Variants in EPG5 observed in about 807,000 individuals in gnomAD.
EPG5 encodes ectopic P granules protein 5 homolog.
In EPG5, 159 loss-of-function variants were observed where a neutral mutation model predicts 302.7. The observed-to-expected ratio is 0.53, with a 90% CI of 0.46 to 0.60. EPG5 has a LOEUF of 0.60. EPG5 is among the 20% of genes least tolerant of loss of function. The probability of loss-of-function intolerance (pLI) is 0.00; values close to 1 mark genes in which losing one functional copy is unlikely to be tolerated. For missense variants in EPG5, 2,896 were observed against 3,092.4 expected (o/e 0.94, Z 1.51); for synonymous variants, 1,158 against 1,136.8 (o/e 1.02, Z -0.37).
At chr18:45,838,851 C>G in the EPG5 span, 1 of 1,574,738 alleles carries the variant, frequency 6.4e-7, no homozygotes, top group South Asian at 1.1e-5. Context: ...GCTTGGCAGC[C>G]GTGCGGAGCC....
chr18:45,874,261 C>A (rs1320949876), intron 35 of EPG5, among the ~76,000 whole-genome samples: 1 of 151,830 alleles, frequency 6.6e-6, no homozygotes, highest in Non-Finnish European at 1.5e-5. Context: ...TGTGTGGGGG[C>A]AGAAGGTATA....
chr18:45,860,402 G>T, intron 39 of EPG5, 56 bp from the exon 40 acceptor site: 1 of 1,607,688 alleles, frequency 6.2e-7, no homozygotes. Flanking sequence ...CTATCCATGT[G>T]ATCAGGAGAA....
chr18:45,896,362 C>T (rs1324821302), intron 27 of EPG5, among the ~76,000 whole-genome samples: 1 of 152,172 alleles, frequency 6.6e-6, no homozygotes, highest in Non-Finnish European at 1.5e-5. Context: ...ACTAAGCAAA[C>T]GAGTGAGGCC....
intron 26 of EPG5, 117 bp from the exon 27 acceptor site, chr18:45,899,683 T>A: frequency 9.6e-7 from 1 of 1,044,514 alleles, no homozygotes; most frequent in Non-Finnish European, 1.4e-6. Context: ...ACATAAACCA[T>A]AGTAACAGAG....
intron 23 of EPG5, 32 bp from the exon 24 acceptor site, chr18:45,908,113 T>C: frequency 2.7e-6 from 4 of 1,457,962 alleles, no homozygotes; most frequent in Non-Finnish European, 3.7e-6. Context: ...ATACGAAACA[T>C]AAAAAGATGA....
At chr18:45,837,350 G>C in the EPG5 span, among the ~76,000 whole-genome samples, 4 of 152,236 alleles carry the variant, frequency 2.6e-5, no homozygotes, top group African/African-American at 9.6e-5. Flanking sequence ...AAGTCACAAG[G>C]TGGGGTTCCG....
intron 26 of EPG5, among the ~76,000 whole-genome samples, chr18:45,899,930 G>A (rs988196192): frequency 6.6e-6 from 1 of 152,148 alleles, no homozygotes; most frequent in African/African-American, 2.4e-5. Context: ...GACTTCTTAG[G>A]TATTAGCAAC....
chr18:45,949,555 G>T lies in EPG5; in HGVS notation c.1426C>A (p.His476Asn), dbSNP rs576926580. 6.2e-7 allele frequency: 1 copy of T among 1,613,132 alleles called. No individual in the cohort carries two copies. The highest frequency in any genetic ancestry group is 1.3e-5 in the African/African-American group (1 of 74,968). The stretch of plus-strand genomic sequence containing the variant: ...AGAATATGGTTTAGAAGGAAGAGGT[G>T]ATCTCCAGGACAGCCAACTCTTTGT... ...VLQRVGCPGD[H>N]LFLLNHILRC... The change falls in exon 5 of 44, where the codon CAC (histidine) becomes AAC (asparagine). Residue 476 changes from histidine (H) to asparagine (N), a missense_variant. By Grantham distance (68) the His-to-Asn change is moderately conservative. This residue lies in a region of EPG5 where 1,390 missense variants were observed against 1,430.0 expected (regional missense o/e 0.97). Coordinates refer to ENST00000282041, the MANE Select transcript of EPG5 (RefSeq NM_020964.3).
intron 21 of EPG5, 57 bp downstream of exon 21, chr18:45,913,649 T>A (rs754032883): frequency 2.6e-5 from 41 of 1,597,618 alleles, no homozygotes; most frequent in Non-Finnish European, 3.4e-5. Context: ...GGTGAATCCA[T>A]CAGCATCAAA....
rs753674794 is a variant in EPG5, at chr18:45,858,113, C to A, written c.7227-45G>T. 5 of 1,470,662 alleles carry A rather than the reference C, an allele frequency of 3.4e-6. No individual in the cohort carries two copies. In the East Asian group the frequency reaches 9.2e-5, roughly 27 times the overall value. The allele number at this position is 1,470,662 out of a possible 1,614,324, so 91.1% of individuals were successfully genotyped here. A position where few individuals can be genotyped will look rare whatever the true frequency, so the allele number is the denominator to read the frequency against. ...AAAATAAAATTAGAAGTAAATTTTT[C>A]CCACTCCCATTTAACTGCAAGTCCA... On this transcript the variant is annotated intron_variant, in intron 41 of 43. Coordinates refer to ENST00000282041, the MANE Select transcript of EPG5 (RefSeq NM_020964.3).
At chr18:45,863,456 T>C (rs1195307829) in intron 39 of EPG5, among the ~76,000 whole-genome samples, 1 of 152,260 alleles carries the variant, frequency 6.6e-6, no homozygotes, top group African/African-American at 2.4e-5. Flanking sequence ...TTCTTAAAAT[T>C]GTTAATATTC....
chr18:45,825,914 G>T, the EPG5 span: 6 of 1,038,554 alleles, frequency 5.8e-6, no homozygotes, highest in South Asian at 7.2e-5. Context: ...GAAGAGCTGC[G>T]CTTGGGGCCT....
At chr18:45,910,187 C>T (rs751924869) in intron 23 of EPG5, among the ~76,000 whole-genome samples, 4 of 152,062 alleles carry the variant, frequency 2.6e-5, no homozygotes, top group Non-Finnish European at 5.9e-5. Flanking sequence ...TAGGGTCTCA[C>T]TATGTTGCCC....
chr18:45,882,452 A>T lies in EPG5; in HGVS notation c.5340T>A (p.Pro1780=). 6.2e-7 allele frequency: 1 copy of T among 1,614,190 alleles called. No individual in the cohort carries two copies. Among genetic ancestry groups the T allele is most frequent in the East Asian group, 2.2e-5 (1 of 44,880 alleles). Residue 1780 remains proline, a synonymous_variant, in exon 31 of 44, where the codon CCT becomes CCA. Coordinates refer to ENST00000282041, the MANE Select transcript of EPG5 (RefSeq NM_020964.3). ...DLKQWLSATK[P]PLSDRTRLLE... ...GAAGCCTGGTACGATCAGACAGAGG[A>T]GGTTTAGTGGCGCTTAACCATTGTT...
At chr18:45,880,915 T>C (rs1342195367) in intron 31 of EPG5, among the ~76,000 whole-genome samples, 1 of 152,160 alleles carries the variant, frequency 6.6e-6, no homozygotes, top group African/African-American at 2.4e-5. Context: ...CTGGGGACAG[T>C]GCCAGTCTGT....
intron 29 of EPG5, among the ~76,000 whole-genome samples, chr18:45,886,712 G>A (rs1323267328): frequency 1.3e-5 from 2 of 152,084 alleles, no homozygotes; most frequent in Non-Finnish European, 2.9e-5. Flanking sequence ...AGGCTGGAGT[G>A]CAATAGCATG....
At chr18:45,861,928 T>A (rs2048644690) in intron 39 of EPG5, among the ~76,000 whole-genome samples, 1 of 152,206 alleles carries the variant, frequency 6.6e-6, no homozygotes, top group Admixed American at 6.5e-5. Context: ...CCTATATGTA[T>A]CCTATTTGTC....
At chr18:45,911,280 C>A (rs1363720786) in intron 22 of EPG5, among the ~76,000 whole-genome samples, 1 of 149,000 alleles carries the variant, frequency 6.7e-6, no homozygotes, top group African/African-American at 2.5e-5. Flanking sequence ...TGCGCCACTG[C>A]GCTGGGTTGT....
intron 36 of EPG5, among the ~76,000 whole-genome samples, chr18:45,868,823 A>T (rs1330831126): frequency 6.6e-6 from 1 of 151,740 alleles, no homozygotes; most frequent in Non-Finnish European, 1.5e-5. Context: ...TGGGAGGCCA[A>T]GGCAGGTGGA....
Sources: allele counts gnomAD v4.1 joint callset (sites outside exome capture counted in the v4.1 genomes callset), GRCh38; gene constraint gnomAD v4.1.1; regional missense constraint gnomAD v4.1.1; transcripts MANE v1.5; gene names NCBI Gene and HGNC (gene_info 2026-07-23, HGNC 2026-07-21).